The following PHF14 variants were observed in gnomAD, a reference collection of about 807,000 sequenced individuals.
PHF14 encodes PHD finger protein 14.
In PHF14, 55 loss-of-function variants were observed where a neutral mutation model predicts 117.9. That is an observed-to-expected ratio of 0.47 (90% confidence interval 0.38 to 0.58). The LOEUF (loss-of-function observed/expected upper bound fraction) is 0.58. Among genes scored for constraint, PHF14 ranks in the 20% least tolerant of loss-of-function variants. The pLI, the probability that PHF14 is intolerant of heterozygous loss-of-function variation, is 0.00. For synonymous variants in PHF14, 409 were observed against 368.6 expected (o/e 1.11, Z -1.26); for missense variants, 978 against 1,122.2 (o/e 0.87, Z 1.84).
At chr7:11,000,334 C>CTTTTT (rs71023882) in intron 4 of PHF14, among the ~76,000 whole-genome samples, 20 of 60,360 alleles carry the variant, frequency 3.3e-4, no homozygotes, top group Non-Finnish European at 4.9e-4. Flanking sequence ...GCTTATTTGC[C>CTTTTT]TTTTTTTTTT....
At chr7:10,985,257 A>T (rs1782177606) in intron 3 of PHF14, among the ~76,000 whole-genome samples, 1 of 152,106 alleles carries the variant, frequency 6.6e-6, no homozygotes, top group Non-Finnish European at 1.5e-5. Flanking sequence ...TTAGCTAGTG[A>T]TAATTTCTGT....
chr7:11,076,810 C>T (rs562492793), intron 16 of PHF14, among the ~76,000 whole-genome samples: 3 of 151,282 alleles, frequency 2.0e-5, no homozygotes, highest in African/African-American at 7.3e-5. Flanking sequence ...TCAAGCAATC[C>T]GCCTGCCTTG....
rs143814865 is a variant in PHF14, at chr7:11,095,830, A to G, written c.2655-15520A>G. Among the ~76,000 whole-genome samples the G allele has an allele frequency of 6.3e-3, 963 of 152,168 alleles. 9 individuals are homozygous for G. Among genetic ancestry groups the G allele is most frequent in the African/African-American group, 0.022 (916 of 41,520 alleles). On this transcript the variant is annotated intron_variant, in intron 16 of 17. Transcript: ENST00000634607. Reference sequence around the variant, plus strand: ...AGCTAGAGTATGAGATAAAACCTCAACTGGATTCTGTAGATTTTTTTTTTT... The same window carrying G: ...AGCTAGAGTATGAGATAAAACCTCAGCTGGATTCTGTAGATTTTTTTTTTT...
rs376666006 is a variant in PHF14 at position 11,138,128 on chromosome 7, C to T, written c.2772+26661C>T. Among the ~76,000 whole-genome samples, 22 of 151,474 alleles carry T rather than the reference C, an allele frequency of 1.5e-4. No individual in the cohort carries two copies. The East Asian group carries it at 3.5e-3, about 24-fold the overall frequency. The stretch of plus-strand genomic sequence containing the variant: ...CGATCTTGGCTCACTGCAGGCTCTG[C>T]CTCCTGGATTCACGCCATTCTCCTG... On this transcript the variant is annotated intron_variant, in intron 17 of 17. Coordinates refer to ENST00000634607, the MANE Select transcript of PHF14 (RefSeq NM_001007157.2).
chr7:11,008,235 T>C (rs1458112542), intron 4 of PHF14, among the ~76,000 whole-genome samples: 1 of 152,208 alleles, frequency 6.6e-6, no homozygotes, highest in Non-Finnish European at 1.5e-5. Flanking sequence ...CCAAGGCCAT[T>C]TTTGTTTTTT....
At chr7:11,121,114 A>G (rs1787741413) in intron 17 of PHF14, among the ~76,000 whole-genome samples, 1 of 152,194 alleles carries the variant, frequency 6.6e-6, no homozygotes, top group Non-Finnish European at 1.5e-5. Flanking sequence ...TTCTGATAAC[A>G]AAAGTTTCAT....
chr7:11,076,663 G>A (rs1197160858), intron 16 of PHF14, among the ~76,000 whole-genome samples: 5 of 150,974 alleles, frequency 3.3e-5, no homozygotes, highest in African/African-American at 1.2e-4. Flanking sequence ...TACCTCCGGG[G>A]TTCAAGCAAT....
At chr7:11,131,180 TAGTC>T (rs1030662391) in intron 17 of PHF14, among the ~76,000 whole-genome samples, 10 of 152,024 alleles carry the variant, frequency 6.6e-5, no homozygotes, top group East Asian at 1.9e-4. Flanking sequence ...CCAGTCAACT[TAGTC>T]AGGAAATACC....
chr7:11,077,193 C>T (rs188265696), intron 16 of PHF14, among the ~76,000 whole-genome samples: 231 of 151,982 alleles, frequency 1.5e-3, no homozygotes, highest in Non-Finnish European at 2.8e-3. Flanking sequence ...TAAAGATCAA[C>T]ACATATTATT....
At chr7:11,137,394 C>T (rs1022133026) in intron 17 of PHF14, among the ~76,000 whole-genome samples, 2 of 152,074 alleles carry the variant, frequency 1.3e-5, no homozygotes, top group African/African-American at 4.8e-5. Flanking sequence ...AGTTACTTCT[C>T]ACCAACCAAA....
chr7:11,024,304 TAAAAGATGA>T (rs376483081), intron 6 of PHF14, among the ~76,000 whole-genome samples: 1 of 152,254 alleles, frequency 6.6e-6, no homozygotes, highest in African/African-American at 2.4e-5. Flanking sequence ...CTCCGTAATA[TAAAAGATGA>T]AGAAGATGCA....
intron 14 of PHF14, among the ~76,000 whole-genome samples, chr7:11,053,445 C>T (rs1242612042): frequency 6.6e-6 from 1 of 151,892 alleles, no homozygotes; most frequent in Non-Finnish European, 1.5e-5. Context: ...TATAAGGGAA[C>T]TAGAGAGACT....
At chr7:10,984,966 A>G (rs1414175180) in intron 3 of PHF14, among the ~76,000 whole-genome samples, 1 of 152,084 alleles carries the variant, frequency 6.6e-6, no homozygotes, top group East Asian at 1.9e-4. Context: ...GAGATTATAA[A>G]AAGGTACTTT....
chr7:11,122,408 TAC>T (rs1341815474), intron 17 of PHF14, among the ~76,000 whole-genome samples: 1 of 118,586 alleles, frequency 8.4e-6, no homozygotes, highest in Non-Finnish European at 1.8e-5. Context: ...CATATATATA[TAC>T]ACGTATATAT....
intron 16 of PHF14, chr7:11,063,722 T>A: frequency 1.1e-6 from 1 of 870,630 alleles, no homozygotes; most frequent in Non-Finnish European, 1.4e-6. Context: ...CAATTTTTAT[T>A]TTAAAAATCA....
intron 16 of PHF14, chr7:11,062,721 A>C (rs954002352): frequency 5.1e-5 from 50 of 985,104 alleles, no homozygotes; most frequent in Non-Finnish European, 5.8e-5. Flanking sequence ...GGCTTTTCCC[A>C]ACGGTCCAGA....
intron 14 of PHF14, among the ~76,000 whole-genome samples, chr7:11,052,891 T>C (rs2128327093): frequency 6.6e-6 from 1 of 152,274 alleles, no homozygotes; most frequent in East Asian, 1.9e-4. Context: ...GTTTACCAGG[T>C]ACCTTGAAGG....
rs1350828931 is a variant in PHF14, at chr7:11,104,068, G to T, written c.2655-7282G>T. Reference sequence around the variant, plus strand: ...GAATATACTAATCCATTAGACCATGGCCCTCTTTTAATATTTAGTGAGAAA... The same window carrying T: ...GAATATACTAATCCATTAGACCATGTCCCTCTTTTAATATTTAGTGAGAAA... On this transcript the variant is annotated intron_variant, in intron 16 of 17. Coordinates refer to ENST00000634607, the MANE Select transcript of PHF14 (RefSeq NM_001007157.2). 3 of 984,660 alleles carry T rather than the reference G, an allele frequency of 3.0e-6. No individual in the cohort carries two copies. The East Asian group carries it at 3.4e-4, about 112-fold the overall frequency. 61.0% of individuals were successfully genotyped at this position (984,660 alleles called of 1,614,324 possible). A position where few individuals can be genotyped will look rare whatever the true frequency, so the allele number is the denominator to read the frequency against.
chr7:11,029,719 A>C (rs534387005), intron 7 of PHF14, among the ~76,000 whole-genome samples: 1 of 152,114 alleles, frequency 6.6e-6, no homozygotes, highest in Admixed American at 6.5e-5. Context: ...GTCCTCAGTA[A>C]TTTTTAAGAA....
Sources: allele counts gnomAD v4.1 joint callset (sites outside exome capture counted in the v4.1 genomes callset), GRCh38; gene constraint gnomAD v4.1.1; transcripts MANE v1.5; gene names NCBI Gene and HGNC (gene_info 2026-07-23, HGNC 2026-07-21).